SPAG16: variants seen among roughly 807,000 people sequenced by gnomAD.
SPAG16 encodes the protein sperm-associated antigen 16 protein.
Under a neutral mutation model 80.4 loss-of-function variants are expected in SPAG16, and 86 were observed. The observed-to-expected ratio is 1.07, with a 90% CI of 0.90 to 1.28. The LOEUF (loss-of-function observed/expected upper bound fraction) is 1.28. Ranked by LOEUF, SPAG16 falls within the 50% of genes most tolerant of loss-of-function variation. The probability of loss-of-function intolerance (pLI) is 0.00; values close to 1 mark genes in which losing one functional copy is unlikely to be tolerated. For synonymous variants in SPAG16, 294 were observed against 265.9 expected (o/e 1.11, Z -1.03); for missense variants, 870 against 765.3 (o/e 1.14, Z -1.61).
chr2:214,112,418 G>A (rs892335284), intron 14 of SPAG16, among the ~76,000 whole-genome samples: 39 of 152,108 alleles, frequency 2.6e-4, no homozygotes, highest in African/African-American at 8.9e-4. Flanking sequence ...GGGTGTTAAA[G>A]TCTCCCATTA....
At chr2:214,053,461 C>A (rs1002405649) in intron 13 of SPAG16, among the ~76,000 whole-genome samples, 4 of 152,076 alleles carry the variant, frequency 2.6e-5, no homozygotes, top group African/African-American at 9.7e-5. Context: ...CAGGAGTAGG[C>A]CTCTAGAAAA....
At chr2:213,678,085 A>C (rs534806385) in intron 10 of SPAG16, among the ~76,000 whole-genome samples, 1 of 152,280 alleles carries the variant, frequency 6.6e-6, no homozygotes, top group East Asian at 1.9e-4. Flanking sequence ...ACAAAGACAC[A>C]ACATACCAGA....
At chr2:214,272,451 C>A (rs978160000) in intron 15 of SPAG16, among the ~76,000 whole-genome samples, 3 of 152,124 alleles carry the variant, frequency 2.0e-5, no homozygotes, top group Non-Finnish European at 4.4e-5. Flanking sequence ...CCCCTGCCCC[C>A]CAACCCACAA....
At chr2:213,676,682 C>T (rs1436290134) in intron 10 of SPAG16, among the ~76,000 whole-genome samples, 11 of 151,826 alleles carry the variant, frequency 7.2e-5, no homozygotes, top group African/African-American at 2.7e-4. Flanking sequence ...TGCTGGATTA[C>T]ATTTATTGAT....
chr2:213,756,041 G>A (rs935899223), intron 10 of SPAG16, among the ~76,000 whole-genome samples: 1 of 152,194 alleles, frequency 6.6e-6, no homozygotes, highest in Non-Finnish European at 1.5e-5. Flanking sequence ...AAATGGCTGA[G>A]TAGGACTAGA....
chr2:213,857,882 G>A (rs1249113756), intron 10 of SPAG16, among the ~76,000 whole-genome samples: 2 of 152,154 alleles, frequency 1.3e-5, no homozygotes, highest in Non-Finnish European at 2.9e-5. Flanking sequence ...GAAAGAAGTT[G>A]ATGCAAACTC....
chr2:213,466,163 C>T (rs1341333640), intron 9 of SPAG16, among the ~76,000 whole-genome samples: 6 of 152,170 alleles, frequency 3.9e-5, no homozygotes, highest in Non-Finnish European at 8.8e-5. Context: ...GGCTTCCTTT[C>T]TTCTCAGCTT....
chr2:214,040,065 A>C (rs2125087276), intron 13 of SPAG16, among the ~76,000 whole-genome samples: 1 of 152,270 alleles, frequency 6.6e-6, no homozygotes, highest in African/African-American at 2.4e-5. Context: ...CATGGAAAAA[A>C]CCTGAAAAGA....
At chr2:213,290,441 G>A (rs1015836993) in intron 1 of SPAG16, among the ~76,000 whole-genome samples, 2 of 152,172 alleles carry the variant, frequency 1.3e-5, no homozygotes, top group African/African-American at 2.4e-5. Context: ...ACAAGGCACA[G>A]TATTAAGTGT....
At chr2:213,799,208 G>C (rs944031053) in intron 10 of SPAG16, among the ~76,000 whole-genome samples, 2 of 152,024 alleles carry the variant, frequency 1.3e-5, no homozygotes, top group Non-Finnish European at 2.9e-5. Context: ...CATGAACATA[G>C]GATGCTATTC....
intron 15 of SPAG16, among the ~76,000 whole-genome samples, chr2:214,260,944 TA>T (rs1490876195): frequency 3.3e-5 from 5 of 151,386 alleles, no homozygotes; most frequent in Non-Finnish European, 5.9e-5. Flanking sequence ...CTGTCTCTAC[TA>T]AAAGTACAAA....
At chr2:213,545,558 T>C (rs1271055016) in intron 10 of SPAG16, among the ~76,000 whole-genome samples, 3 of 152,012 alleles carry the variant, frequency 2.0e-5, no homozygotes, top group Non-Finnish European at 4.4e-5. Context: ...ATCTAGATTT[T>C]CTGTTATGCT....
chr2:213,357,414 G>A (rs556919900), intron 7 of SPAG16, among the ~76,000 whole-genome samples: 12 of 152,170 alleles, frequency 7.9e-5, no homozygotes, highest in African/African-American at 2.6e-4. Context: ...GGTCTCTAAG[G>A]ACTTCCTTTA....
intron 14 of SPAG16, among the ~76,000 whole-genome samples, chr2:214,115,782 G>T (rs2053901201): frequency 6.6e-6 from 1 of 151,122 alleles, no homozygotes; most frequent in South Asian, 2.1e-4. Context: ...GGAGGCTGAG[G>T]CAGGGGAATT....
intron 15 of SPAG16, among the ~76,000 whole-genome samples, chr2:214,351,836 CA>C (rs956341855): frequency 4.2e-3 from 85 of 20,470 alleles, no homozygotes; most frequent in Non-Finnish European, 0.036. Flanking sequence ...ATTTGACACA[CA>C]AAAAAAATAT....
At chr2:213,466,410 C>T (rs1256545538) in intron 9 of SPAG16, among the ~76,000 whole-genome samples, 1 of 152,120 alleles carries the variant, frequency 6.6e-6, no homozygotes, top group African/African-American at 2.4e-5. Context: ...ATTTGGTTCC[C>T]CAATTATGGA....
In SPAG16 at chr2:214,203,808, C is replaced by T. The variant is rs183075428; in HGVS notation, c.1720+54542C>T. 2.6e-5 allele frequency among the ~76,000 whole-genome samples: 4 copies of T among 152,250 alleles called. No homozygotes were observed. The East Asian group carries it at 7.7e-4, about 29-fold the overall frequency. ...TTCGTAACAATTTCAACCAAAGTTTCCTGGACGGAACCTGGAGAAGGGGGC... is the reference window on the plus strand; with the variant it reads ...TTCGTAACAATTTCAACCAAAGTTTTCTGGACGGAACCTGGAGAAGGGGGC... On this transcript the variant is annotated intron_variant, in intron 15 of 15. Coordinates refer to ENST00000331683, the MANE Select transcript of SPAG16 (RefSeq NM_024532.5).
intron 10 of SPAG16, among the ~76,000 whole-genome samples, chr2:213,700,725 T>C (rs2065370728): frequency 6.6e-6 from 1 of 152,256 alleles, no homozygotes. Context: ...TATTCATTGA[T>C]AAGAATTCAA....
chr2:214,379,146 C>A (rs1700302844), intron 15 of SPAG16, among the ~76,000 whole-genome samples: 1 of 152,196 alleles, frequency 6.6e-6, no homozygotes, highest in South Asian at 2.1e-4. Context: ...TACATTTCTA[C>A]ATATACTTTA....
Sources: gnomAD v4.1 joint callset for allele counts (sites outside exome capture counted in the v4.1 genomes callset) on GRCh38, gnomAD v4.1.1 for gene constraint, MANE v1.5 for transcripts, NCBI Gene and HGNC (gene_info 2026-07-23, HGNC 2026-07-21) for gene names.